PRNP: variants seen among roughly 807,000 people sequenced by gnomAD.
PRNP encodes prion protein (Kanno blood group).
PRNP carries 15 observed loss-of-function variants against 21.3 expected under a neutral mutation model. That is an observed-to-expected ratio of 0.71 (90% confidence interval 0.47 to 1.09). The LOEUF (loss-of-function observed/expected upper bound fraction) is 1.09. Among genes scored for constraint, PRNP ranks in the 50% least tolerant of loss-of-function variants. The probability of loss-of-function intolerance (pLI) is 0.00; values close to 1 mark genes in which losing one functional copy is unlikely to be tolerated. For missense variants in PRNP, 285 were observed against 340.9 expected (o/e 0.84, Z 1.29); for synonymous variants, 121 against 123.1 (o/e 0.98, Z 0.11).
intron 1 of PRNP, among the ~76,000 whole-genome samples, chr20:4,694,402 T>C (rs1922035008): frequency 6.6e-6 from 1 of 152,184 alleles, no homozygotes; most frequent in Non-Finnish European, 1.5e-5. Context: ...ATTTCTTAAA[T>C]GAATTAATTC....
rs966023585 is a variant in PRNP at position 4,686,975 on chromosome 20, C to T, written c.-11+463C>T. On this transcript the variant is annotated intron_variant, in intron 1 of 1. Coordinates refer to ENST00000379440, the MANE Select transcript of PRNP (RefSeq NM_000311.5). This position sits in a 1 kb window ranked among gnomAD's most constrained non-coding sequence, Gnocchi z 6.7. ...CTCGCGCTCCCCGCCCGTTGGCCGCCCCTCGGAGGCCGAGATCGGGGCCCA... is the reference window on the plus strand; with the variant it reads ...CTCGCGCTCCCCGCCCGTTGGCCGCTCCTCGGAGGCCGAGATCGGGGCCCA... 1.3e-5 allele frequency among the ~76,000 whole-genome samples: 2 copies of T among 151,806 alleles called. No homozygotes were observed. Among genetic ancestry groups the T allele is most frequent in the African/African-American group, 4.8e-5 (2 of 41,370 alleles).
chr20:4,692,772 C>T (rs1921912762), intron 1 of PRNP, among the ~76,000 whole-genome samples: 1 of 152,112 alleles, frequency 6.6e-6, no homozygotes, highest in Non-Finnish European at 1.5e-5. Flanking sequence ...ATGTATTCTT[C>T]TTTTACTAAA....
chr20:4,687,182 C>T lies in PRNP; in HGVS notation c.-11+670C>T, dbSNP rs1231287536. Reference sequence around the variant, plus strand: ...GCCGCCTGAGCTTCTCCGAGGGGGGCTGCAGCCTTGCGGCCGTTGCCACCG... The same window carrying T: ...GCCGCCTGAGCTTCTCCGAGGGGGGTTGCAGCCTTGCGGCCGTTGCCACCG... On this transcript the variant is annotated intron_variant, in intron 1 of 1. Transcript: ENST00000379440. Among the ~76,000 whole-genome samples, 6 of 152,264 alleles carry T rather than the reference C, an allele frequency of 3.9e-5. No individual in the cohort carries two copies. The East Asian group carries it at 1.2e-3, about 30-fold the overall frequency.
chr20:4,696,603 T>A (rs765056033), intron 1 of PRNP, among the ~76,000 whole-genome samples: 38 of 152,374 alleles, frequency 2.5e-4, no homozygotes, highest in African/African-American at 8.4e-4. Flanking sequence ...TTACACCTGT[T>A]ACTTCTTTGC....
rs561512351 is a variant in PRNP at position 4,686,930 on chromosome 20, G to A, written c.-11+418G>A. On this transcript the variant is annotated intron_variant, in intron 1 of 1. Transcript: ENST00000379440. This position sits in a 1 kb window ranked among gnomAD's most constrained non-coding sequence, Gnocchi z 6.7. ...CTCCGCAGGGCGCGGGGCGGGGAGG[G>A]GCGCCTGGGGGCCGCGGGGCTCGCG... Among the ~76,000 whole-genome samples, 1 of 151,470 alleles carries A rather than the reference G, an allele frequency of 6.6e-6. No homozygotes were observed. Among genetic ancestry groups the A allele is most frequent in the South Asian group, 2.1e-4 (1 of 4,830 alleles).
rs893487437 is a variant in PRNP, at chr20:4,699,076, A to G, written c.-10-135A>G. ...CTTTTGCTTTTGTCCTAAGTGCTTC[A>G]GAGAAGTACAGGGTGGCAACAGTGT... On this transcript the variant is annotated intron_variant, in intron 1 of 1. Transcript: ENST00000379440. This position sits in a 1 kb window ranked among gnomAD's most constrained non-coding sequence, Gnocchi z 5.8. 1.7e-5 allele frequency: 18 copies of G among 1,069,828 alleles called. No homozygotes were observed. The African/African-American group carries it at 2.0e-4, about 12-fold the overall frequency. The allele number at this position is 1,069,828 out of a possible 1,614,324, so 66.3% of individuals were successfully genotyped here.
At position 4,697,891 on chromosome 20, in the gene PRNP, G is replaced by A. The variant is rs1922266464; in HGVS notation, c.-10-1320G>A. On this transcript the variant is annotated intron_variant, in intron 1 of 1. Coordinates refer to ENST00000379440, the MANE Select transcript of PRNP (RefSeq NM_000311.5). This position sits in a 1 kb window ranked among gnomAD's most constrained non-coding sequence, Gnocchi z 4.6. ...GCTTAGCATTGATTTTCAAGGTAGA[G>A]CTACTGAGATTTGCTGATAGATCCA... is the stretch of plus-strand genomic sequence containing the variant. 6.6e-6 allele frequency among the ~76,000 whole-genome samples: 1 copy of A among 152,216 alleles called. No homozygotes were observed. The highest frequency in any genetic ancestry group is 1.5e-5 in the Non-Finnish European group (1 of 68,040).
At chr20:4,689,660 T>C (rs567204651) in intron 1 of PRNP, among the ~76,000 whole-genome samples, 1 of 152,330 alleles carries the variant, frequency 6.6e-6, no homozygotes, top group African/African-American at 2.4e-5. Context: ...CTATATCCAC[T>C]GTGAACTGCT....
intron 1 of PRNP, among the ~76,000 whole-genome samples, chr20:4,690,639 T>C (rs1921764402): frequency 6.6e-6 from 1 of 152,268 alleles, no homozygotes; most frequent in Non-Finnish European, 1.5e-5. Flanking sequence ...AATTTCATAA[T>C]GTCTTTTAAA....
chr20:4,696,273 C>G (rs1352892569), intron 1 of PRNP, among the ~76,000 whole-genome samples: 2 of 152,184 alleles, frequency 1.3e-5, no homozygotes, highest in African/African-American at 4.8e-5. Flanking sequence ...CCATCAAGAC[C>G]ATGGAATGCC....
At position 4,699,320 on chromosome 20, in the gene PRNP, G is replaced by GGGGGCAGCCGATACCCGGGGC. The variant is rs761410800; in HGVS notation, c.101_121dup (p.Gly40_Gln41insArgGlySerArgTyrProGly). On this transcript the variant is annotated inframe_insertion, in exon 2 of 2. Coordinates refer to ENST00000379440, the MANE Select transcript of PRNP (RefSeq NM_000311.5). This position sits in a 1 kb window ranked among gnomAD's most constrained non-coding sequence, Gnocchi z 5.8. ...CCCGAAGCCTGGAGGATGGAACACT[G>GGGGGCAGCCGATACCCGGGGC]GGGGCAGCCGATACCCGGGGCAGGG... 2 of 1,614,070 alleles carry GGGGGCAGCCGATACCCGGGGC rather than the reference G, an allele frequency of 1.2e-6. No individual in the cohort carries two copies. The highest frequency in any genetic ancestry group is 8.5e-7 in the Non-Finnish European group (1 of 1,180,030).
At chr20:4,696,827 C>T (rs1261170439) in intron 1 of PRNP, among the ~76,000 whole-genome samples, 1 of 152,160 alleles carries the variant, frequency 6.6e-6, no homozygotes, top group African/African-American at 2.4e-5. Context: ...TGCCAGTGTC[C>T]TCTCTCACCA....
intron 1 of PRNP, among the ~76,000 whole-genome samples, chr20:4,696,865 C>T (rs1208741828): frequency 6.6e-6 from 1 of 152,178 alleles, no homozygotes; most frequent in Non-Finnish European, 1.5e-5. Context: ...GTTGTCTGGC[C>T]TCACCCACCT....
chr20:4,689,541 A>G (rs1227574653), intron 1 of PRNP, among the ~76,000 whole-genome samples: 2 of 152,232 alleles, frequency 1.3e-5, no homozygotes, highest in Non-Finnish European at 2.9e-5. Context: ...GACACTGAAC[A>G]TGGCTGTCAA....
intron 1 of PRNP, among the ~76,000 whole-genome samples, chr20:4,692,414 A>AT (rs1317840116): frequency 1.3e-5 from 2 of 152,172 alleles, no homozygotes; most frequent in African/African-American, 4.8e-5. Context: ...ATTTTTTGAG[A>AT]TTTTCCAGGT....
chr20:4,691,408 T>C (rs1025264855), intron 1 of PRNP, among the ~76,000 whole-genome samples: 2 of 152,242 alleles, frequency 1.3e-5, no homozygotes, highest in Non-Finnish European at 2.9e-5. Flanking sequence ...CCTTGTCATA[T>C]GTGGCCTTTA....
At chr20:4,690,050 A>C (rs1921726725) in intron 1 of PRNP, among the ~76,000 whole-genome samples, 1 of 152,150 alleles carries the variant, frequency 6.6e-6, no homozygotes, top group African/African-American at 2.4e-5. Flanking sequence ...AAAGCTCCTC[A>C]GGTAATTCTG....
chr20:4,686,582 G>A lies in PRNP; in HGVS notation c.-11+70G>A, dbSNP rs1004568929. 6.6e-6 allele frequency: 1 copy of A among 151,654 alleles called. No homozygotes were observed. Among genetic ancestry groups the A allele is most frequent in the African/African-American group, 2.4e-5 (1 of 41,308 alleles). 9.4% of individuals were successfully genotyped at this position (151,654 alleles called of 1,614,324 possible). Reference sequence around the variant, plus strand: ...CGCGGGGGCCGAGTGAGGACCCCGGGCCTCGGGTCCCAGGCGCAAGGGTGC... The same window carrying A: ...CGCGGGGGCCGAGTGAGGACCCCGGACCTCGGGTCCCAGGCGCAAGGGTGC... On this transcript the variant is annotated intron_variant, in intron 1 of 1. Transcript: ENST00000379440. This position sits in a 1 kb window ranked among gnomAD's most constrained non-coding sequence, Gnocchi z 6.7.
intron 1 of PRNP, among the ~76,000 whole-genome samples, chr20:4,696,899 G>A (rs1335778810): frequency 6.6e-6 from 1 of 152,124 alleles, no homozygotes; most frequent in East Asian, 1.9e-4. Flanking sequence ...CTTCTCCTCT[G>A]TGCTTCTCTC....
Sources: gnomAD v4.1 joint callset for allele counts (sites outside exome capture counted in the v4.1 genomes callset) on GRCh38, gnomAD v4.1.1 for gene constraint, Gnocchi (gnomAD v3.1) non-coding constraint, MANE v1.5 for transcripts, NCBI Gene and HGNC (gene_info 2026-07-23, HGNC 2026-07-21) for gene names.